LAMA5: variants seen among roughly 807,000 people sequenced by gnomAD.
LAMA5 encodes the protein laminin subunit alpha-5.
LAMA5 carries 260 observed loss-of-function variants against 433.4 expected under a neutral mutation model. The observed-to-expected ratio is 0.60, with a 90% CI of 0.54 to 0.66. LAMA5 has a LOEUF of 0.66. Among genes scored for constraint, LAMA5 ranks in the 30% least tolerant of loss-of-function variants. LAMA5 has a pLI of 0.00. For synonymous variants in LAMA5, 2,620 were observed against 2,226.6 expected, an observed-to-expected ratio of 1.18 and a Z score of -4.97; for missense variants, 5,378 against 5,258.5, an observed-to-expected ratio of 1.02 and a Z score of -0.70.
chr20:62,314,708 C>G lies in LAMA5; in HGVS notation c.8214G>C (p.Lys2738Asn). 1 of 1,612,658 alleles carries G rather than the reference C, an allele frequency of 6.2e-7. No individual in the cohort carries two copies. The highest frequency in any genetic ancestry group is 8.5e-7 in the Non-Finnish European group (1 of 1,179,814). The change falls in exon 61 of 80, where the codon AAG becomes AAC. Residue 2738 changes from lysine to asparagine, a missense_variant. Lys to Asn is a moderately conservative substitution (Grantham distance 94, BLOSUM62 0). Coordinates refer to ENST00000252999, the MANE Select transcript of LAMA5 (RefSeq NM_005560.6). ...GCTGCACCCCTGAGCGCCCGTTGAACTTCATGGGCACCTTGACCTGCGGGG... is the reference window on the plus strand; with the variant it reads ...GCTGCACCCCTGAGCGCCCGTTGAAGTTCATGGGCACCTTGACCTGCGGGG... ...GAASKVKVPM[K>N]FNGRSGVQLR...
chr20:62,313,366 G>A lies in LAMA5; in HGVS notation c.8753C>T (p.Thr2918Ile). The A allele has an allele frequency of 1.3e-6, 2 of 1,586,682 alleles. No individual in the cohort carries two copies. The highest frequency in any genetic ancestry group is 2.3e-5 in the East Asian group (1 of 43,592). Residue 2918 changes from threonine (T) to isoleucine (I), a missense_variant, in exon 64 of 80, where the codon ACC (threonine) becomes ATC (isoleucine). Thr to Ile is a moderately conservative substitution (Grantham distance 89). Coordinates refer to ENST00000252999, the MANE Select transcript of LAMA5 (RefSeq NM_005560.6). Reference protein sequence around the residue: ...EVVSLYNFERTFQLDTAVDRP... With the variant: ...EVVSLYNFERIFQLDTAVDRP... ...GTCCACAGCCGTGTCCAGCTGGAAG[G>A]TCCTCTCGAAGTTGTAGAGGCTGAC...
chr20:62,321,764 TGGGGGAG>T (rs1987840219), intron 48 of LAMA5, among the ~76,000 whole-genome samples: 1 of 20,364 alleles, frequency 4.9e-5, no homozygotes, highest in Non-Finnish European at 2.1e-4. Flanking sequence ...GTGGGGTCAG[TGGGGGAG>T]GAAGGGCCAG....
intron 2 of LAMA5, among the ~76,000 whole-genome samples, chr20:62,358,639 C>T (rs567416061): frequency 6.6e-6 from 1 of 152,266 alleles, no homozygotes; most frequent in East Asian, 1.9e-4. Flanking sequence ...CTGCGGTGCT[C>T]CTCCCATTTA....
At chr20:62,309,631 T>TGGGAGGGGGCAGGGGGAGGAGGGTG in intron 79 of LAMA5, 85 bp downstream of exon 79, 1 of 394,874 alleles carries the variant, frequency 2.5e-6, no homozygotes. Flanking sequence ...GGGCAGGGGG[T>TGGGAGGGGGCAGGGGGAGGAGGGTG]GGAGGGGTGG....
chr20:62,354,786 G>C (rs942991444), intron 2 of LAMA5, among the ~76,000 whole-genome samples: 17 of 152,172 alleles, frequency 1.1e-4, no homozygotes, highest in Non-Finnish European at 2.1e-4. Flanking sequence ...GGCAAAGGAG[G>C]GAAGTTGTCT....
Position 62,329,882 on chromosome 20 carries a change from G to A in LAMA5, c.4014C>T (p.Tyr1338=), listed in dbSNP as rs541916597. The change falls in exon 32 of 80, where the codon TAC becomes TAT. Residue 1338 remains tyrosine, a synonymous_variant. Coordinates refer to ENST00000252999, the MANE Select transcript of LAMA5 (RefSeq NM_005560.6). ...HANASFCPHG[Y]GCRTLVVCEG... ...CACACACCACCAGGGTGCGGCAGCC[G>A]TAGCCATGTGGACAGAAGCTGGCGT... The A allele has an allele frequency of 1.9e-4, 302 of 1,611,946 alleles. No individual in the cohort carries two copies. Among genetic ancestry groups the A allele is most frequent in the East Asian group, 5.6e-4 (25 of 44,864 alleles).
rs558560483 is a variant in LAMA5, at chr20:62,320,865, G to T, written c.6522C>A (p.Leu2174=). ...CEVCDHCVVL[L]LDDLERAGAL... ...CGCCGGCCCGTTCCAGGTCATCCAG[G>T]AGCAGGACCACACAGTGGTCACACA... is the stretch of plus-strand genomic sequence containing the variant. The change falls in exon 49 of 80, where the codon CTC becomes CTA. Residue 2174 remains leucine, a synonymous_variant. Transcript: ENST00000252999. The T allele has an allele frequency of 6.2e-7, 1 of 1,611,748 alleles. No individual in the cohort carries two copies. Among genetic ancestry groups the T allele is most frequent in the East Asian group, 2.2e-5 (1 of 44,858 alleles).
Position 62,313,002 on chromosome 20 carries a change from G to A in LAMA5, c.8964C>T (p.Phe2988=). The change falls in exon 66 of 80, where the codon TTC becomes TTT. Residue 2988 remains phenylalanine (F), a synonymous_variant. Transcript: ENST00000252999. ...TGCCTTCTTGCACGGCCAAGCACAG[G>A]AACTGGCTCTGCAGAAACAGGGCAG... is the stretch of plus-strand genomic sequence containing the variant. ...VLFFLKQQSQ[F]LCLAVQEGSL... 1 of 1,582,788 alleles carries A rather than the reference G, an allele frequency of 6.3e-7. No individual in the cohort carries two copies. Among genetic ancestry groups the A allele is most frequent in the Non-Finnish European group, 8.6e-7 (1 of 1,162,250 alleles).
At chr20:62,333,878 T>TG (rs1981015007) in intron 23 of LAMA5, 23 bp downstream of exon 23, 1 of 1,550,300 alleles carries the variant, frequency 6.5e-7, no homozygotes, top group Non-Finnish European at 8.8e-7. Flanking sequence ...GGGCAGGGGC[T>TG]GTGGCCCAGG....
chr20:62,320,935 CA>C (rs149093032), intron 48 of LAMA5, 45 bp from the exon 49 acceptor site: 37,971 of 1,569,354 alleles, frequency 0.024, 524 homozygotes, highest in Non-Finnish European at 0.028. Context: ...TGGGTCAGGC[CA>C]GGGGAGAATG....
chr20:62,346,758 G>T lies in LAMA5; in HGVS notation c.1115C>A (p.Pro372His). Residue 372 changes from proline to histidine, a missense_variant, in exon 8 of 80, where the codon CCT becomes CAT. By Grantham distance (77) the Pro-to-His change is moderately conservative. Transcript: ENST00000252999. ...GCTGGCGCGGCGCCGGTCCACCTCAGGGTCGTAGTAACAGTCGGTGGCATG... is the reference window on the plus strand; with the variant it reads ...GCTGGCGCGGCGCCGGTCCACCTCATGGTCGTAGTAACAGTCGGTGGCATG... ...YGHATDCYYD[P>H]EVDRRRASQS... The T allele has an allele frequency of 6.2e-7, 1 of 1,612,976 alleles. No individual in the cohort carries two copies. Among genetic ancestry groups the T allele is most frequent in the Non-Finnish European group, 8.5e-7 (1 of 1,179,852 alleles).
Position 62,318,993 on chromosome 20 carries a change from G to A in LAMA5, c.6892C>T (p.His2298Tyr), listed in dbSNP as rs1205239470. The change falls in exon 52 of 80, where the codon CAC becomes TAC. Residue 2298 changes from histidine (H) to tyrosine (Y), a missense_variant. By Grantham distance (83) the His-to-Tyr change is moderately conservative. Transcript: ENST00000252999. ...TLSELMSQTG[H>Y]LGLANASAPS... The stretch of plus-strand genomic sequence containing the variant: ...GCCGAGGCATTGGCCAGCCCCAGGT[G>A]GCCCGTCTGGGACATGAGCTCTGTG... 1 of 1,587,866 alleles carries A rather than the reference G, an allele frequency of 6.3e-7. No homozygotes were observed. Among genetic ancestry groups the A allele is most frequent in the Admixed American group, 1.8e-5 (1 of 56,494 alleles).
intron 17 of LAMA5, 97 bp from the exon 18 acceptor site, chr20:62,336,542 G>T: frequency 8.4e-7 from 1 of 1,196,694 alleles, no homozygotes; most frequent in Non-Finnish European, 1.2e-6. Context: ...GGTGAGGGCT[G>T]AGGGCCCTCA....
chr20:62,357,452 C>A (rs1985407777), intron 2 of LAMA5, among the ~76,000 whole-genome samples: 1 of 152,156 alleles, frequency 6.6e-6, no homozygotes, highest in Non-Finnish European at 1.5e-5. Flanking sequence ...CTGTGTGCCT[C>A]CCCTCGAAGA....
intron 48 of LAMA5, 93 bp downstream of exon 48, chr20:62,321,926 G>T: frequency 7.8e-7 from 1 of 1,282,154 alleles, no homozygotes; most frequent in Non-Finnish European, 1.1e-6. Flanking sequence ...GGACCACTCT[G>T]GGAGGTCGAC....
intron 31 of LAMA5, 28 bp from the exon 32 acceptor site, chr20:62,329,944 GC>G (rs1172026979): frequency 6.2e-7 from 1 of 1,605,040 alleles, no homozygotes; most frequent in South Asian, 1.1e-5. Context: ...GCAGGGTCAG[GC>G]CCCCATCTCT....
intron 1 of LAMA5, among the ~76,000 whole-genome samples, chr20:62,365,869 G>T (rs1291127549): frequency 1.3e-5 from 2 of 152,054 alleles, no homozygotes; most frequent in Admixed American, 1.3e-4. Context: ...GCCTGGGGAG[G>T]CTCCTTCCCC....
In LAMA5 at chr20:62,333,612, CAGCACAAAGGGCTCTCCGA is replaced by C; in HGVS notation, c.2954_2972del (p.Phe985Ter). 6.3e-7 allele frequency: 1 copy of C among 1,577,096 alleles called. No individual in the cohort carries two copies. Among genetic ancestry groups the C allele is most frequent in the Non-Finnish European group, 8.6e-7 (1 of 1,161,928 alleles). ...CACGCAGGGCCCAGGTGCCAGGGTT[CAGCACAAAGGGCTCTCCGA>C]AGCCCCTCTGGGGCACGGTGATGAA... is the stretch of plus-strand genomic sequence containing the variant. On this transcript the variant is annotated frameshift_variant, in exon 24 of 80. Transcript: ENST00000252999. LOFTEE classifies it high-confidence loss of function.
Position 62,338,274 on chromosome 20 carries a change from C to G in LAMA5, c.1714G>C (p.Asp572His). ...CRVGFEGATC[D>H]RCAPGYFHFP... ...TGAAAGTAGCCGGGGGCACAGCGAT[C>G]ACATGTGGCCCCCTCGAAGCCCACT... Residue 572 changes from aspartate to histidine, a missense_variant, in exon 13 of 80, where the codon GAT becomes CAT. Asp to His is a moderately conservative substitution (Grantham distance 81). Coordinates refer to ENST00000252999, the MANE Select transcript of LAMA5 (RefSeq NM_005560.6). The G allele has an allele frequency of 1.2e-6, 2 of 1,601,446 alleles. No homozygotes were observed. Among genetic ancestry groups the G allele is most frequent in the Non-Finnish European group, 1.7e-6 (2 of 1,173,758 alleles).
Sources: gnomAD v4.1 joint callset for allele counts (sites outside exome capture counted in the v4.1 genomes callset) on GRCh38, gnomAD v4.1.1 for gene constraint, MANE v1.5 for transcripts, NCBI Gene and HGNC (gene_info 2026-07-23, HGNC 2026-07-21) for gene names.